The following DACH2 variants were observed in gnomAD, a reference collection of about 807,000 sequenced individuals.
The protein encoded by DACH2 is dachshund homolog 2.
A neutral mutation model predicts 35.8 loss-of-function variants in DACH2; 17 were observed. The observed-to-expected ratio is 0.48, with a 90% confidence interval of 0.33 to 0.71. The LOEUF is 0.71. Ranked by LOEUF, DACH2 falls within the 30% of genes least tolerant of loss-of-function variation. The pLI is 0.02. For missense variants in DACH2, 469 were observed against 472.7 expected (o/e 0.99, Z 0.07); for synonymous variants, 195 against 177.3 (o/e 1.10, Z -0.79).
chrX:86,215,793 T>G (rs2032557232), intron 1 of DACH2, among the ~76,000 whole-genome samples: 1 of 112,039 alleles, frequency 8.9e-6, no homozygotes, highest in African/African-American at 3.2e-5. Context: ...GATACAGAAT[T>G]ACCCAAATTT....
chrX:86,489,087 C>T (rs988341835), intron 2 of DACH2, among the ~76,000 whole-genome samples: 1 of 111,252 alleles, frequency 9.0e-6, no homozygotes, highest in South Asian at 3.7e-4. Context: ...TTTGAATCTG[C>T]GTAGAATTGA....
At chrX:86,266,633 C>A (rs1257534580) in intron 1 of DACH2, among the ~76,000 whole-genome samples, 1 of 111,333 alleles carries the variant, frequency 9.0e-6, no homozygotes, top group Non-Finnish European at 1.9e-5. Flanking sequence ...GGTTCTTGAA[C>A]CAGACTGCCC....
At chrX:86,298,295 G>A (rs1473873541) in intron 1 of DACH2, among the ~76,000 whole-genome samples, 7 of 111,535 alleles carry the variant, frequency 6.3e-5, no homozygotes, top group African/African-American at 2.0e-4. Flanking sequence ...TCCTTCTTAT[G>A]ATTTTTGTGG....
At chrX:86,665,284 A>G (rs1344033753) in intron 4 of DACH2, among the ~76,000 whole-genome samples, 1 of 112,123 alleles carries the variant, frequency 8.9e-6, no homozygotes, top group Admixed American at 9.5e-5. Flanking sequence ...GTCAAAATAT[A>G]GTTATTGACA....
rs370247652 is a variant in DACH2 at position 86,342,939 on chromosome X, A to G, written c.489-33885A>G. Among the ~76,000 whole-genome samples the G allele has an allele frequency of 3.2e-4, 36 of 112,231 alleles. No homozygotes were observed. In the East Asian group the frequency reaches 3.7e-3, roughly 11 times the overall value. On this transcript the variant is annotated intron_variant, in intron 1 of 11. Transcript: ENST00000373125. ...ACCGGCAAAAGGATTAGGACTTGCCAAAGGCTCAGATGATTCTTAGCATTT... is the reference window on the plus strand; with the variant it reads ...ACCGGCAAAAGGATTAGGACTTGCCGAAGGCTCAGATGATTCTTAGCATTT...
At chrX:86,749,561 G>A (rs1355937350) in intron 7 of DACH2, among the ~76,000 whole-genome samples, 1 of 111,101 alleles carries the variant, frequency 9.0e-6, no homozygotes, top group African/African-American at 3.3e-5. Context: ...GTATATAGGA[G>A]CAGTGCATGG....
chrX:86,221,864 A>AT (rs2032348033), intron 1 of DACH2, among the ~76,000 whole-genome samples: 1 of 112,035 alleles, frequency 8.9e-6, no homozygotes, highest in Non-Finnish European at 1.9e-5. Flanking sequence ...GGCAGGTTTA[A>AT]TTTTTATTGA....
intron 1 of DACH2, among the ~76,000 whole-genome samples, chrX:86,178,872 A>G (rs2031389250): frequency 8.9e-6 from 1 of 112,056 alleles, no homozygotes; most frequent in Non-Finnish European, 1.9e-5. Flanking sequence ...GTACATTCAT[A>G]ACACAAGAAA....
At chrX:86,232,385 AG>A (rs752709169) in intron 1 of DACH2, among the ~76,000 whole-genome samples, 1 of 112,267 alleles carries the variant, frequency 8.9e-6, no homozygotes, top group African/African-American at 3.2e-5. Context: ...GCACAGCAAA[AG>A]AAACCATCAA....
At position 86,233,065 on chromosome X, in the gene DACH2, A is replaced by G. The variant is rs970353418; in HGVS notation, c.488+83957A>G. Among the ~76,000 whole-genome samples, 6 of 112,058 alleles carry G rather than the reference A, an allele frequency of 5.4e-5. No individual in the cohort carries two copies. In the East Asian group the frequency reaches 1.7e-3, roughly 31 times the overall value. On this transcript the variant is annotated intron_variant, in intron 1 of 11. Coordinates refer to ENST00000373125, the MANE Select transcript of DACH2 (RefSeq NM_053281.3). Reference sequence around the variant, plus strand: ...AACATGAATGGTGCTGGAGGTCATTATCCTTAGCAAACTAATGCAGGAACA... The same window carrying G: ...AACATGAATGGTGCTGGAGGTCATTGTCCTTAGCAAACTAATGCAGGAACA...
At chrX:86,764,992 A>ATT (rs36019551) in intron 7 of DACH2, among the ~76,000 whole-genome samples, 1 of 110,176 alleles carries the variant, frequency 9.1e-6, no homozygotes, top group Non-Finnish European at 1.9e-5. Flanking sequence ...GATGTTGAGC[A>ATT]TTTTTTTCAT....
At chrX:86,442,199 T>C (rs2037174944) in intron 2 of DACH2, among the ~76,000 whole-genome samples, 1 of 110,233 alleles carries the variant, frequency 9.1e-6, no homozygotes, top group Non-Finnish European at 1.9e-5. Flanking sequence ...ATGGCCACTC[T>C]AATTTGGGTG....
intron 1 of DACH2, among the ~76,000 whole-genome samples, chrX:86,263,466 G>T (rs1279943032): frequency 2.7e-5 from 3 of 111,217 alleles, no homozygotes; most frequent in African/African-American, 9.8e-5. Flanking sequence ...AACATGGGTG[G>T]GAGTGGATGT....
At chrX:86,780,045 C>G (rs998166784) in intron 7 of DACH2, among the ~76,000 whole-genome samples, 2 of 109,930 alleles carry the variant, frequency 1.8e-5, no homozygotes, top group Non-Finnish European at 3.8e-5. Flanking sequence ...CAGGGTTAGA[C>G]CACACAGCCC....
intron 1 of DACH2, among the ~76,000 whole-genome samples, chrX:86,376,111 TTTC>T (rs2035962277): frequency 9.2e-6 from 1 of 108,309 alleles, no homozygotes; most frequent in African/African-American, 3.4e-5. Context: ...ATGTGTTTAA[TTTC>T]TTTTGTGTGG....
intron 1 of DACH2, among the ~76,000 whole-genome samples, chrX:86,284,051 T>TAGG (rs1379661431): frequency 3.6e-5 from 4 of 111,308 alleles, no homozygotes; most frequent in Non-Finnish European, 7.5e-5. Context: ...CAAACAAGGA[T>TAGG]AATTTGACTT....
At chrX:86,783,142 A>G (rs1327521359) in intron 7 of DACH2, among the ~76,000 whole-genome samples, 1 of 112,102 alleles carries the variant, frequency 8.9e-6, no homozygotes, top group Non-Finnish European at 1.9e-5. Context: ...AGACATGCAA[A>G]TAGCAAACAG....
intron 2 of DACH2, among the ~76,000 whole-genome samples, chrX:86,472,079 G>T (rs992067682): frequency 2.7e-5 from 3 of 111,898 alleles, no homozygotes; most frequent in Admixed American, 9.5e-5. Context: ...AATGAATGCG[G>T]ATTATTACGT....
chrX:86,418,482 C>A (rs757603292), intron 2 of DACH2, among the ~76,000 whole-genome samples: 1 of 112,190 alleles, frequency 8.9e-6, no homozygotes, highest in Non-Finnish European at 1.9e-5. Flanking sequence ...CACTTGCAGG[C>A]TCAACATGAC....
Sources: allele counts gnomAD v4.1 joint callset (sites outside exome capture counted in the v4.1 genomes callset), GRCh38; gene constraint gnomAD v4.1.1; transcripts MANE v1.5; gene names NCBI Gene and HGNC (gene_info 2026-07-23, HGNC 2026-07-21).